Variants in PEX1 observed in about 807,000 individuals in gnomAD.
PEX1 encodes the protein peroxisomal biogenesis factor 1.
A neutral mutation model predicts 152.5 loss-of-function variants in PEX1; 97 were observed. The observed-to-expected ratio is 0.64, with a 90% CI of 0.54 to 0.75. The LOEUF is 0.75. PEX1 is among the 30% of genes least tolerant of loss of function. The probability of loss-of-function intolerance (pLI) is 0.00; values close to 1 mark genes in which losing one functional copy is unlikely to be tolerated. For synonymous variants in PEX1, 485 were observed against 531.6 expected (o/e 0.91, Z 1.21); for missense variants, 1,357 against 1,516.3 (o/e 0.89, Z 1.74).
intron 2 of PEX1, among the ~76,000 whole-genome samples, chr7:92,521,853 C>T (rs1793063874): frequency 1.3e-5 from 2 of 151,808 alleles, no homozygotes; most frequent in Admixed American, 6.6e-5. Flanking sequence ...TTTCATGAAA[C>T]CAAAATTAGG....
At position 92,518,085 on chromosome 7, in the gene PEX1, T is replaced by G. The variant is rs1792883888; in HGVS notation, c.473-43A>C. 1.7e-5 allele frequency: 27 copies of G among 1,611,060 alleles called. No homozygotes were observed. In the East Asian group the frequency reaches 2.0e-4, roughly 12 times the overall value. On this transcript the variant is annotated intron_variant, in intron 4 of 23. Transcript: ENST00000248633. Reference sequence around the variant, plus strand: ...CTCATTAGTGCACATTCATTTCTACTTTGGACTCAATGCTATAGTGTAGAA... The same window carrying G: ...CTCATTAGTGCACATTCATTTCTACGTTGGACTCAATGCTATAGTGTAGAA...
chr7:92,506,751 G>C lies in PEX1; in HGVS notation c.1803+243C>G, dbSNP rs1025747121. ...CCTAAAAAAGAAAAACCATATAATT[G>C]TATCAACTGACACAGAAAAAGGGCA... On this transcript the variant is annotated intron_variant, in intron 10 of 23. Coordinates refer to ENST00000248633, the MANE Select transcript of PEX1 (RefSeq NM_000466.3). 6 of 551,194 alleles carry C rather than the reference G, an allele frequency of 1.1e-5. No individual in the cohort carries two copies. In the Admixed American group the frequency reaches 1.9e-4, roughly 17 times the overall value. The allele number at this position is 551,194 out of a possible 1,614,324, so 34.1% of individuals were successfully genotyped here. A position where few individuals can be genotyped will look rare whatever the true frequency, so the allele number is the denominator to read the frequency against.
intron 2 of PEX1, among the ~76,000 whole-genome samples, chr7:92,520,993 G>T (rs1016211262): frequency 1.3e-5 from 2 of 152,024 alleles, no homozygotes; most frequent in Non-Finnish European, 2.9e-5. Context: ...CTTCTTTTAA[G>T]AGATAGGGTC....
Position 92,494,424 on chromosome 7 carries a change from C to CA in PEX1, c.2927-29dup, listed in dbSNP as rs1562848111. On this transcript the variant is annotated intron_variant, in intron 18 of 23. Transcript: ENST00000248633. ...AGAGGAAAAAAGAACATTTTTTTAC[C>CA]AAAATCTGATGACATGATGACATTT... The CA allele has an allele frequency of 2.5e-6, 4 of 1,611,718 alleles. No homozygotes were observed. The East Asian group carries it at 6.7e-5, about 27-fold the overall frequency.
intron 5 of PEX1, among the ~76,000 whole-genome samples, chr7:92,515,074 T>TCC (rs1792669069): frequency 2.8e-3 from 1 of 356 alleles, no homozygotes; most frequent in African/African-American, 0.019. Flanking sequence ...TATCTATATA[T>TCC]ATATATATAT....
chr7:92,519,236 G>C (rs2116254407), intron 2 of PEX1, among the ~76,000 whole-genome samples, 158 bp from the exon 3 acceptor site: 1 of 152,178 alleles, frequency 6.6e-6, no homozygotes, highest in East Asian at 1.9e-4. Context: ...TTTCTTTTCT[G>C]TTTTGAGAGA....
At chr7:92,524,353 C>T (rs1793176339) in intron 1 of PEX1, among the ~76,000 whole-genome samples, 1 of 151,886 alleles carries the variant, frequency 6.6e-6, no homozygotes, top group Admixed American at 6.6e-5. Flanking sequence ...CTGCAACCTC[C>T]ACCTCCCAGA....
At chr7:92,525,498 T>A (rs1366101763) in intron 1 of PEX1, among the ~76,000 whole-genome samples, 1 of 152,244 alleles carries the variant, frequency 6.6e-6, no homozygotes, top group Admixed American at 6.5e-5. Context: ...AGAAGATAAC[T>A]TAGTTGAAGC....
At chr7:92,500,570 T>C (rs1791878472) in intron 15 of PEX1, among the ~76,000 whole-genome samples, 1 of 152,244 alleles carries the variant, frequency 6.6e-6, no homozygotes, top group South Asian at 2.1e-4. Context: ...TCCTGCTAGC[T>C]AGTACTTCCA....
intron 13 of PEX1, 56 bp from the exon 14 acceptor site, chr7:92,502,135 G>GA: frequency 8.1e-7 from 1 of 1,228,960 alleles, no homozygotes; most frequent in South Asian, 1.3e-5. Context: ...GTATATTTTT[G>GA]AATGTATATT....
At chr7:92,517,168 T>G (rs927657409) in intron 5 of PEX1, 108 bp downstream of exon 5, 1 of 939,702 alleles carries the variant, frequency 1.1e-6, no homozygotes, top group Non-Finnish European at 1.7e-6. Context: ...GGCACTGTGT[T>G]TCTTTTTAAT....
At chr7:92,518,855 C>G (rs1792925198) in intron 3 of PEX1, 140 bp downstream of exon 3, 9 of 708,638 alleles carry the variant, frequency 1.3e-5, no homozygotes, top group South Asian at 1.2e-4. Context: ...TAGGCATGAG[C>G]TACTGTGCCT....
chr7:92,493,032 G>A lies in PEX1; in HGVS notation c.3128C>T (p.Thr1043Ile), dbSNP rs996039336. 1.9e-6 allele frequency: 3 copies of A among 1,612,900 alleles called. No homozygotes were observed. The highest frequency in any genetic ancestry group is 1.7e-4 in the Middle Eastern group (1 of 6,060). The change falls in exon 20 of 24, where the codon ACT becomes ATT. Residue 1043 changes from threonine (T) to isoleucine (I), a missense_variant. Physicochemically the swap from Thr to Ile is moderately conservative, Grantham distance 89. Transcript: ENST00000248633. Reference sequence around the variant, plus strand: ...AAGTAAAGCTTTCAGATCAGCTCCAGTAAAGGAGTCAGTTACTGATGCTAC... The same window carrying A: ...AAGTAAAGCTTTCAGATCAGCTCCAATAAAGGAGTCAGTTACTGATGCTAC... ...QHVASVTDSF[T>I]GADLKALLYN...
rs61750427 is a variant in PEX1, at chr7:92,494,357, A to G, written c.2966T>C (p.Ile989Thr). ...VLAATSRPDL[I>T]DPALLRPGRL... Reference sequence around the variant, plus strand: ...ACCAGGCCTAAGCAGGGCAGGGTCAATCAAGTCAGGGCGACTAGTAGCAGC... The same window carrying G: ...ACCAGGCCTAAGCAGGGCAGGGTCAGTCAAGTCAGGGCGACTAGTAGCAGC... Residue 989 changes from isoleucine (I) to threonine (T), a missense_variant, in exon 19 of 24, where the codon ATT becomes ACT. Coordinates refer to ENST00000248633, the MANE Select transcript of PEX1 (RefSeq NM_000466.3). 37 of 1,614,072 alleles carry G rather than the reference A, an allele frequency of 2.3e-5. No individual in the cohort carries two copies. The East Asian group carries it at 6.5e-4, about 28-fold the overall frequency.
chr7:92,521,428 AATTTTTT>A (rs1157383659), intron 2 of PEX1, among the ~76,000 whole-genome samples: 17 of 152,314 alleles, frequency 1.1e-4, no homozygotes, highest in African/African-American at 3.6e-4. Context: ...TGTGTTGTAG[AATTTTTT>A]ATTTTTTATT....
Position 92,528,478 on chromosome 7 carries a change from A to G in PEX1, c.-43T>C, listed in dbSNP as rs572810743. 6.5e-7 allele frequency: 1 copy of G among 1,535,242 alleles called. No individual in the cohort carries two copies. The highest frequency in any genetic ancestry group is 2.4e-5 in the East Asian group (1 of 41,414). On this transcript the variant is annotated 5_prime_UTR_variant, in exon 1 of 24. Coordinates refer to ENST00000248633, the MANE Select transcript of PEX1 (RefSeq NM_000466.3). ...CTGGGTTCGCCCACCCTAGCGCCGC[A>G]AAGGACCCGGGACCCGGCAGGCCGA...
chr7:92,501,807 T>C (rs1199026323), intron 14 of PEX1, 83 bp downstream of exon 14: 1 of 1,389,158 alleles, frequency 7.2e-7, no homozygotes, highest in Admixed American at 1.7e-5. Context: ...CAATGGAATA[T>C]ATTTAATTCT....
chr7:92,487,560 A>C lies in PEX1; in HGVS notation c.3768-19T>G, dbSNP rs759357103. 1 of 1,191,786 alleles carries C rather than the reference A, an allele frequency of 8.4e-7. No individual in the cohort carries two copies. The highest frequency in any genetic ancestry group is 1.3e-5 in the South Asian group (1 of 79,552). The allele number at this position is 1,191,786 out of a possible 1,614,324, so 73.8% of individuals were successfully genotyped here. A position where few individuals can be genotyped will look rare whatever the true frequency, so the allele number is the denominator to read the frequency against. ...TTCATATCTGAAAAAAGAAAGAGATAATTTAATATGTATAAATACTACCAT... is the reference window on the plus strand; with the variant it reads ...TTCATATCTGAAAAAAGAAAGAGATCATTTAATATGTATAAATACTACCAT... On this transcript the variant is annotated intron_variant, in intron 23 of 23. Transcript: ENST00000248633.
intron 5 of PEX1, among the ~76,000 whole-genome samples, chr7:92,514,206 C>T (rs1009573211): frequency 5.9e-5 from 9 of 152,120 alleles, no homozygotes; most frequent in Non-Finnish European, 1.3e-4. Flanking sequence ...AGCACGAATC[C>T]CATTCATGAA....
Sources: gnomAD v4.1 joint callset for allele counts (sites outside exome capture counted in the v4.1 genomes callset) on GRCh38, gnomAD v4.1.1 for gene constraint, MANE v1.5 for transcripts, NCBI Gene and HGNC (gene_info 2026-07-23, HGNC 2026-07-21) for gene names.